SRPK2: variants seen among roughly 807,000 people sequenced by gnomAD.
The protein encoded by SRPK2 is SRSF protein kinase 2, also known as SFRS protein kinase 2.
In SRPK2, 21 loss-of-function variants were observed where a neutral mutation model predicts 90.8. That is an observed-to-expected ratio of 0.23 (90% confidence interval 0.16 to 0.33). The LOEUF is 0.33. SRPK2 is among the 10% of genes least tolerant of loss of function. The pLI, the probability that SRPK2 is intolerant of heterozygous loss-of-function variation, is 1.00. For missense variants in SRPK2, 620 were observed against 869.0 expected, an observed-to-expected ratio of 0.71 and a Z score of 3.60; for synonymous variants, 288 against 311.1, an observed-to-expected ratio of 0.93 and a Z score of 0.78.
chr7:105,324,818 C>T (rs1813379893), intron 2 of SRPK2, among the ~76,000 whole-genome samples: 1 of 152,198 alleles, frequency 6.6e-6, no homozygotes, highest in African/African-American at 2.4e-5. Flanking sequence ...GCCACGGAGG[C>T]GGAGGTTGCA....
intron 3 of SRPK2, among the ~76,000 whole-genome samples, chr7:105,197,817 C>T (rs1326895570): frequency 6.6e-6 from 1 of 152,234 alleles, no homozygotes; most frequent in African/African-American, 2.4e-5. Context: ...CAGACCACAG[C>T]TGTTGATGTC....
At chr7:105,224,502 G>A (rs1391459039) in intron 2 of SRPK2, among the ~76,000 whole-genome samples, 4 of 152,102 alleles carry the variant, frequency 2.6e-5, no homozygotes, top group Non-Finnish European at 4.4e-5. Flanking sequence ...CCAGCTACTT[G>A]GGAGGCTGAG....
intron 2 of SRPK2, among the ~76,000 whole-genome samples, chr7:105,333,067 G>A (rs897572203): frequency 1.3e-5 from 2 of 151,978 alleles, no homozygotes; most frequent in Non-Finnish European, 2.9e-5. Context: ...GGTGGCACTC[G>A]CCTGTAATCC....
chr7:105,337,314 G>C (rs1032483922), intron 2 of SRPK2, among the ~76,000 whole-genome samples: 4 of 150,586 alleles, frequency 2.7e-5, no homozygotes, highest in Non-Finnish European at 5.9e-5. Flanking sequence ...GGCTCATGAA[G>C]GGATTTTTTT....
At chr7:105,119,000 T>C (rs1562947787) in intron 15 of SRPK2, among the ~76,000 whole-genome samples, 1 of 152,026 alleles carries the variant, frequency 6.6e-6, no homozygotes, top group Non-Finnish European at 1.5e-5. Flanking sequence ...CTGTTTGAAG[T>C]TTTCATAGGA....
chr7:105,273,623 T>C (rs1161124122), intron 2 of SRPK2, among the ~76,000 whole-genome samples: 1 of 152,014 alleles, frequency 6.6e-6, no homozygotes, highest in Non-Finnish European at 1.5e-5. Flanking sequence ...CAGTCCCAAA[T>C]GTTACCTCCA....
intron 2 of SRPK2, among the ~76,000 whole-genome samples, chr7:105,352,227 C>G (rs530676848): frequency 6.6e-6 from 1 of 152,192 alleles, no homozygotes; most frequent in Non-Finnish European, 1.5e-5. Context: ...AAGGGCAGAA[C>G]CTGAACTCTC....
intron 2 of SRPK2, among the ~76,000 whole-genome samples, chr7:105,258,184 C>T (rs1803621033): frequency 1.3e-5 from 2 of 151,628 alleles, no homozygotes; most frequent in Admixed American, 1.3e-4. Flanking sequence ...TTCGGGAGGC[C>T]GAGGCAGGCG....
chr7:105,155,555 G>A (rs1280279800), intron 7 of SRPK2, among the ~76,000 whole-genome samples: 2 of 152,184 alleles, frequency 1.3e-5, no homozygotes, highest in Admixed American at 6.5e-5. Context: ...TACTGGCTCT[G>A]AGGGGTAGAT....
intron 11 of SRPK2, among the ~76,000 whole-genome samples, chr7:105,138,995 T>C (rs975761118): frequency 6.6e-6 from 1 of 152,200 alleles, no homozygotes; most frequent in Non-Finnish European, 1.5e-5. Context: ...TTGCTCAATC[T>C]ATGTGGAGGA....
At chr7:105,133,977 G>A (rs1802413949) in intron 11 of SRPK2, among the ~76,000 whole-genome samples, 1 of 152,064 alleles carries the variant, frequency 6.6e-6, no homozygotes, top group South Asian at 2.1e-4. Flanking sequence ...AAATAATCTG[G>A]TGAGGCCCAG....
upstream of SRPK2, among the ~76,000 whole-genome samples, chr7:105,390,641 C>T (rs574739123): frequency 3.9e-5 from 5 of 127,204 alleles, no homozygotes; most frequent in South Asian, 1.3e-3. Flanking sequence ...TTAGTAGAGA[C>T]AGGGTTTCAC....
At chr7:105,149,408 G>T (rs939753985) in intron 7 of SRPK2, among the ~76,000 whole-genome samples, 2 of 152,116 alleles carry the variant, frequency 1.3e-5, no homozygotes, top group Admixed American at 1.3e-4. Flanking sequence ...TCACGTGTTT[G>T]TTGCTGACCT....
intron 2 of SRPK2, among the ~76,000 whole-genome samples, chr7:105,271,624 G>A (rs867088589): frequency 6.6e-5 from 10 of 152,198 alleles, no homozygotes; most frequent in Middle Eastern, 6.8e-3. Flanking sequence ...ATAATCGGGG[G>A]TACCTGGATG....
chr7:105,165,658 G>C (rs190452021), intron 6 of SRPK2, among the ~76,000 whole-genome samples: 1 of 152,298 alleles, frequency 6.6e-6, no homozygotes, highest in East Asian at 1.9e-4. Context: ...CTAAAGGATT[G>C]TAAATGCACC....
chr7:105,127,643 C>G (rs1801393831), intron 13 of SRPK2, among the ~76,000 whole-genome samples: 1 of 152,178 alleles, frequency 6.6e-6, no homozygotes, highest in Admixed American at 6.5e-5. Context: ...GATGGTCTTG[C>G]AGACCCTTTT....
chr7:105,269,578 A>G (rs1487000628), intron 2 of SRPK2, among the ~76,000 whole-genome samples: 1 of 152,198 alleles, frequency 6.6e-6, no homozygotes, highest in Non-Finnish European at 1.5e-5. Context: ...CTTTTAGGAA[A>G]GGATTGACAA....
intron 11 of SRPK2, among the ~76,000 whole-genome samples, chr7:105,134,481 A>C (rs985701572): frequency 2.0e-5 from 3 of 152,232 alleles, no homozygotes; most frequent in African/African-American, 7.2e-5. Context: ...TTTTCTTTAT[A>C]AACTACCGGG....
intron 2 of SRPK2, among the ~76,000 whole-genome samples, chr7:105,300,402 A>T (rs73409847): frequency 6.6e-6 from 1 of 152,190 alleles, no homozygotes; most frequent in African/African-American, 2.4e-5. Context: ...ATGTGACTAT[A>T]AAACAAAACT....
Sources: gnomAD v4.1 joint callset for allele counts (sites outside exome capture counted in the v4.1 genomes callset) on GRCh38, gnomAD v4.1.1 for gene constraint, MANE v1.5 for transcripts, NCBI Gene and HGNC (gene_info 2026-07-23, HGNC 2026-07-21) for gene names.